Variants in BBS9 observed in about 807,000 individuals in gnomAD.
BBS9 encodes the protein Bardet-Biedl syndrome 9, also known as protein PTHB1.
A neutral mutation model predicts 117.7 loss-of-function variants in BBS9; 89 were observed. The observed-to-expected ratio is 0.76, with a 90% CI of 0.64 to 0.90. The LOEUF is 0.90. Ranked by LOEUF, BBS9 falls within the 40% of genes least tolerant of loss-of-function variation. The probability of loss-of-function intolerance (pLI) is 0.00; values close to 1 mark genes in which losing one functional copy is unlikely to be tolerated. For synonymous variants in BBS9, 379 were observed against 370.9 expected (o/e 1.02, Z -0.25); for missense variants, 982 against 1,042.2 (o/e 0.94, Z 0.80).
Position 33,388,164 on chromosome 7 carries a change from C to T in BBS9, c.2115+20C>T, listed in dbSNP as rs779186804. ...AAGCAGGTCAGTATAATATCAGTAA[C>T]AGTTTTCTATTACTGGCTATACTTT... On this transcript the variant is annotated intron_variant, in intron 19 of 22. Coordinates refer to ENST00000242067, the MANE Select transcript of BBS9 (RefSeq NM_198428.3). 89 of 1,611,826 alleles carry T rather than the reference C, an allele frequency of 5.5e-5. No individual in the cohort carries two copies. In the Admixed American group the frequency reaches 1.5e-3, roughly 27 times the overall value.
At chr7:33,252,019 C>T (rs1309574682) in intron 5 of BBS9, among the ~76,000 whole-genome samples, 6 of 152,084 alleles carry the variant, frequency 3.9e-5, no homozygotes, top group Non-Finnish European at 8.8e-5. Flanking sequence ...AAGCATGATG[C>T]TGGCATCTGC....
At position 33,172,254 on chromosome 7, in the gene BBS9, G is replaced by A. The variant is rs187275259; in HGVS notation, c.329-5224G>A. 1.5e-3 allele frequency among the ~76,000 whole-genome samples: 235 copies of A among 152,078 alleles called. 2 individuals carry two copies. The East Asian group carries it at 0.019, about 12-fold the overall frequency. ...AAATTAGCTGGACATGGTGGCGGGC[G>A]CCTGTAGTCCCAGCTACTCGGGAGG... is the stretch of plus-strand genomic sequence containing the variant. On this transcript the variant is annotated intron_variant, in intron 4 of 22. Transcript: ENST00000242067.
chr7:33,556,954 G>A (rs1188638137), intron 21 of BBS9, among the ~76,000 whole-genome samples: 6 of 152,166 alleles, frequency 3.9e-5, no homozygotes, highest in African/African-American at 1.2e-4. Context: ...GAGTTGAAAT[G>A]TAAGCTTTTC....
intron 19 of BBS9, among the ~76,000 whole-genome samples, chr7:33,485,116 G>T (rs1472120672): frequency 6.6e-6 from 1 of 152,010 alleles, no homozygotes. Flanking sequence ...ACACATTGTT[G>T]GGGGGCAACA....
intron 20 of BBS9, among the ~76,000 whole-genome samples, chr7:33,508,914 TG>T (rs1469138992): frequency 6.6e-6 from 1 of 152,212 alleles, no homozygotes; most frequent in African/African-American, 2.4e-5. Context: ...TCTGGGAATA[TG>T]TAAGCATGCT....
chr7:33,446,713 T>C (rs999475657), intron 19 of BBS9, among the ~76,000 whole-genome samples: 1 of 152,232 alleles, frequency 6.6e-6, no homozygotes, highest in African/African-American at 2.4e-5. Flanking sequence ...ACATTTTTCA[T>C]GGTCAGCCTA....
rs751774898 is a variant in BBS9 at position 33,273,828 on chromosome 7, T to G, written c.888T>G (p.Val296=). ...CTTTTCTGTATTTTCAACTTACAGT[T>G]TCTGAAGGAACAATAAATACTTTGA... ...SPSCFLPYCS[V]SEGTINTLIG... Residue 296 remains valine (V), a splice_region_variant and synonymous_variant, in exon 9 of 23, where the codon GTT becomes GTG. Coordinates refer to ENST00000242067, the MANE Select transcript of BBS9 (RefSeq NM_198428.3). 2 of 1,608,002 alleles carry G rather than the reference T, an allele frequency of 1.2e-6. No individual in the cohort carries two copies. The highest frequency in any genetic ancestry group is 1.1e-5 in the South Asian group (1 of 90,780).
chr7:33,529,465 A>G lies in BBS9; in HGVS notation c.2299-4489A>G, dbSNP rs1395962998. Among the ~76,000 whole-genome samples the G allele has an allele frequency of 7.3e-5, 11 of 149,740 alleles. No individual in the cohort carries two copies. In the Admixed American group the frequency reaches 7.4e-4, roughly 10 times the overall value. ...GAAACAAAGGAAAACCCAGTTATCAATGCTAGACTAGACAAAGTAAACCAA... is the reference window on the plus strand; with the variant it reads ...GAAACAAAGGAAAACCCAGTTATCAGTGCTAGACTAGACAAAGTAAACCAA... On this transcript the variant is annotated intron_variant, in intron 20 of 22. Coordinates refer to ENST00000242067, the MANE Select transcript of BBS9 (RefSeq NM_198428.3).
chr7:33,334,631 C>T (rs1814906401), intron 9 of BBS9, among the ~76,000 whole-genome samples: 1 of 152,086 alleles, frequency 6.6e-6, no homozygotes, highest in South Asian at 2.1e-4. Context: ...TCTGGGGTTG[C>T]TTTTCATACT....
At chr7:33,602,322 A>T (rs537438408) in intron 21 of BBS9, among the ~76,000 whole-genome samples, 1 of 152,234 alleles carries the variant, frequency 6.6e-6, no homozygotes, top group Non-Finnish European at 1.5e-5. Flanking sequence ...TTTTCCTATG[A>T]TGCACCCGCT....
At chr7:33,249,252 C>CACAT (rs58309954) in intron 5 of BBS9, among the ~76,000 whole-genome samples, 2 of 151,306 alleles carry the variant, frequency 1.3e-5, no homozygotes, top group Admixed American at 1.3e-4. Context: ...CACACACACA[C>CACAT]GCGTACACTC....
At chr7:33,240,107 G>T (rs1794227669) in intron 5 of BBS9, among the ~76,000 whole-genome samples, 1 of 152,064 alleles carries the variant, frequency 6.6e-6, no homozygotes, top group Admixed American at 6.6e-5. Context: ...TTTCTCATAT[G>T]CTAAATTCCC....
intron 20 of BBS9, among the ~76,000 whole-genome samples, chr7:33,512,365 G>A (rs993776596): frequency 4.6e-5 from 7 of 152,114 alleles, no homozygotes; most frequent in Admixed American, 2.6e-4. Flanking sequence ...ATATTGAATG[G>A]TGCTTTAATG....
At chr7:33,469,392 TA>T (rs1165939175) in intron 19 of BBS9, among the ~76,000 whole-genome samples, 4 of 152,316 alleles carry the variant, frequency 2.6e-5, no homozygotes, top group African/African-American at 9.6e-5. Flanking sequence ...TCATGGACTT[TA>T]TAGCCATTTT....
intron 9 of BBS9, among the ~76,000 whole-genome samples, chr7:33,305,841 C>CA (rs1043900198): frequency 6.6e-6 from 1 of 151,660 alleles, no homozygotes; most frequent in Non-Finnish European, 1.5e-5. Context: ...TTTACCTTTT[C>CA]AAAAAAACCA....
rs192386799 is a variant in BBS9 at position 33,434,103 on chromosome 7, T to A, written c.2115+45959T>A. 4.1e-4 allele frequency among the ~76,000 whole-genome samples: 63 copies of A among 152,138 alleles called. 1 individual carries two copies. Among genetic ancestry groups the A allele is most frequent in the African/African-American group, 1.4e-3 (58 of 41,558 alleles). On this transcript the variant is annotated intron_variant, in intron 19 of 22. Coordinates refer to ENST00000242067, the MANE Select transcript of BBS9 (RefSeq NM_198428.3). ...TTCAAATATTTTTTCATAGTTTTTT[T>A]ATCAATAATGATGGATATCTTCATT... is the stretch of plus-strand genomic sequence containing the variant.
At chr7:33,415,355 C>T (rs1421377654) in intron 19 of BBS9, among the ~76,000 whole-genome samples, 1 of 152,052 alleles carries the variant, frequency 6.6e-6, no homozygotes, top group East Asian at 1.9e-4. Context: ...GAGAAGATGC[C>T]TCTAAGAGAC....
chr7:33,338,204 A>C (rs1465391007), intron 10 of BBS9, among the ~76,000 whole-genome samples: 3 of 151,990 alleles, frequency 2.0e-5, no homozygotes, highest in Non-Finnish European at 4.4e-5. Flanking sequence ...ATTTAGTTTT[A>C]TTTCTGGGAA....
intron 5 of BBS9, among the ~76,000 whole-genome samples, chr7:33,252,834 C>T (rs893133353): frequency 2.0e-5 from 3 of 151,924 alleles, no homozygotes; most frequent in Non-Finnish European, 2.9e-5. Flanking sequence ...TTTGTATTTA[C>T]ATACAAAATG....
Sources: gnomAD v4.1 joint callset for allele counts (sites outside exome capture counted in the v4.1 genomes callset) on GRCh38, gnomAD v4.1.1 for gene constraint, MANE v1.5 for transcripts, NCBI Gene and HGNC (gene_info 2026-07-23, HGNC 2026-07-21) for gene names.